Variants in KCNIP4 observed in about 807,000 individuals in gnomAD.
KCNIP4 encodes the protein Kv channel-interacting protein 4.
Under a neutral mutation model 34.0 loss-of-function variants are expected in KCNIP4, and 12 were observed. The observed-to-expected ratio is 0.35, with a 90% CI of 0.23 to 0.57. KCNIP4 has a LOEUF of 0.57. KCNIP4 is among the 20% of genes least tolerant of loss of function. The probability of loss-of-function intolerance (pLI) is 0.83; values close to 1 mark genes in which losing one functional copy is unlikely to be tolerated. For synonymous variants in KCNIP4, 124 were observed against 102.2 expected (o/e 1.21, Z -1.29); for missense variants, 238 against 311.7 (o/e 0.76, Z 1.78).
At chr4:21,221,135 G>A (rs1757952916) in intron 1 of KCNIP4, among the ~76,000 whole-genome samples, 1 of 152,090 alleles carries the variant, frequency 6.6e-6, no homozygotes, top group Non-Finnish European at 1.5e-5. Flanking sequence ...CCCAGTCATG[G>A]ATTACAGCTC....
chr4:21,149,078 A>C (rs1020092953), intron 1 of KCNIP4, among the ~76,000 whole-genome samples: 2 of 152,182 alleles, frequency 1.3e-5, no homozygotes, highest in African/African-American at 4.8e-5. Flanking sequence ...TGGTCCCTAA[A>C]TTTGAAATGT....
At chr4:20,935,318 C>T (rs1046743441) in intron 1 of KCNIP4, among the ~76,000 whole-genome samples, 4 of 152,118 alleles carry the variant, frequency 2.6e-5, no homozygotes, top group Non-Finnish European at 4.4e-5. Flanking sequence ...GCATTTCAAA[C>T]TCAACATGTC....
chr4:20,859,125 C>T (rs1428671254), intron 2 of KCNIP4, among the ~76,000 whole-genome samples: 2 of 152,162 alleles, frequency 1.3e-5, no homozygotes, highest in African/African-American at 4.8e-5. Context: ...TTCAGGAGAT[C>T]ACCAGACCAG....
chr4:21,709,797 T>G (rs537049463), intron 1 of KCNIP4, among the ~76,000 whole-genome samples: 1 of 152,358 alleles, frequency 6.6e-6, no homozygotes, highest in South Asian at 2.1e-4. Context: ...ATGTCTTGTC[T>G]ACACCAGGTT....
At chr4:21,898,284 A>G (rs552641560) in intron 1 of KCNIP4, among the ~76,000 whole-genome samples, 3 of 152,228 alleles carry the variant, frequency 2.0e-5, no homozygotes, top group Admixed American at 2.0e-4. Flanking sequence ...GATGCACATG[A>G]CCTAGCAAGA....
chr4:20,731,462 A>G lies in KCNIP4; in HGVS notation c.705+544T>C, dbSNP rs146831140. 9.7e-4 allele frequency: 951 copies of G among 985,264 alleles called. 11 individuals are homozygous for G. The African/African-American group carries it at 0.016, about 16-fold the overall frequency. 61.0% of individuals were successfully genotyped at this position (985,264 alleles called of 1,614,324 possible). A position where few individuals can be genotyped will look rare whatever the true frequency, so the allele number is the denominator to read the frequency against. On this transcript the variant is annotated intron_variant, in intron 8 of 8. Coordinates refer to ENST00000382152, the MANE Select transcript of KCNIP4 (RefSeq NM_025221.6). Reference sequence around the variant, plus strand: ...CTGGTTTCTTTGATAACAGGCTACTACCTGGAGTTCTCTTCAGAGAAAATT... The same window carrying G: ...CTGGTTTCTTTGATAACAGGCTACTGCCTGGAGTTCTCTTCAGAGAAAATT...
At chr4:21,394,178 CA>C (rs1722781182) in intron 1 of KCNIP4, among the ~76,000 whole-genome samples, 1 of 152,164 alleles carries the variant, frequency 6.6e-6, no homozygotes, top group East Asian at 1.9e-4. Context: ...TCCATAATAA[CA>C]ATTTCAGTAC....
chr4:20,753,290 A>G (rs1184256636), intron 4 of KCNIP4, among the ~76,000 whole-genome samples: 4 of 152,150 alleles, frequency 2.6e-5, no homozygotes, highest in Non-Finnish European at 5.9e-5. Flanking sequence ...GAAATCGAGG[A>G]TACTAGAGTA....
At chr4:20,773,813 G>A (rs1414711066) in intron 3 of KCNIP4, among the ~76,000 whole-genome samples, 2 of 152,088 alleles carry the variant, frequency 1.3e-5, no homozygotes, top group Non-Finnish European at 2.9e-5. Flanking sequence ...CTCCATTTTG[G>A]ATATTACATT....
chr4:21,870,557 C>T (rs1259197085), intron 1 of KCNIP4, among the ~76,000 whole-genome samples: 1 of 152,172 alleles, frequency 6.6e-6, no homozygotes, highest in Non-Finnish European at 1.5e-5. Flanking sequence ...CATACTTGAC[C>T]TCATCAGTAT....
At chr4:20,851,675 C>G (rs757358989) in intron 2 of KCNIP4, among the ~76,000 whole-genome samples, 8 of 152,140 alleles carry the variant, frequency 5.3e-5, no homozygotes, top group Non-Finnish European at 8.8e-5. Context: ...CCCTTTTTCT[C>G]TACAACCTCA....
At chr4:21,314,972 A>T (rs1713574217) in intron 1 of KCNIP4, among the ~76,000 whole-genome samples, 1 of 152,148 alleles carries the variant, frequency 6.6e-6, no homozygotes, top group South Asian at 2.1e-4. Flanking sequence ...TTTCCACTAC[A>T]GTTATGGCTG....
chr4:20,732,181 C>T (rs555565194), intron 7 of KCNIP4, 113 bp from the exon 8 acceptor site: 127 of 711,150 alleles, frequency 1.8e-4, no homozygotes, highest in Non-Finnish European at 2.1e-4. Flanking sequence ...ATTTATTTCA[C>T]GTGGAGGAAC....
At chr4:21,049,769 T>TAC (rs945438705) in intron 1 of KCNIP4, among the ~76,000 whole-genome samples, 1 of 152,246 alleles carries the variant, frequency 6.6e-6, no homozygotes, top group African/African-American at 2.4e-5. Context: ...CTAGTCATTC[T>TAC]ACACTCTTTA....
chr4:21,055,827 G>A (rs773021003), intron 1 of KCNIP4, among the ~76,000 whole-genome samples: 1 of 152,150 alleles, frequency 6.6e-6, no homozygotes, highest in Admixed American at 6.6e-5. Flanking sequence ...TATTAACGAA[G>A]TAAAAAATAC....
chr4:20,885,376 A>G (rs186793768), intron 1 of KCNIP4, among the ~76,000 whole-genome samples: 7 of 152,334 alleles, frequency 4.6e-5, no homozygotes, highest in Non-Finnish European at 8.8e-5. Flanking sequence ...AGGTTTTTGC[A>G]TTTCTGACAA....
intron 1 of KCNIP4, among the ~76,000 whole-genome samples, chr4:21,683,884 G>A (rs1234765213): frequency 6.6e-6 from 1 of 151,986 alleles, no homozygotes; most frequent in Non-Finnish European, 1.5e-5. Context: ...CCAGTTACTC[G>A]AGACTGTACG....
At chr4:21,794,009 T>C (rs1009135697) in intron 1 of KCNIP4, among the ~76,000 whole-genome samples, 9 of 152,052 alleles carry the variant, frequency 5.9e-5, no homozygotes, top group Admixed American at 5.9e-4. Context: ...CTGGAAACCA[T>C]CATTCTCACA....
intron 1 of KCNIP4, among the ~76,000 whole-genome samples, chr4:20,929,894 T>C (rs943846380): frequency 6.6e-6 from 1 of 152,012 alleles, no homozygotes; most frequent in Non-Finnish European, 1.5e-5. Context: ...TAGAATAATA[T>C]TCTGTGTTCA....
Sources: gnomAD v4.1 joint callset for allele counts (sites outside exome capture counted in the v4.1 genomes callset) on GRCh38, gnomAD v4.1.1 for gene constraint, MANE v1.5 for transcripts, NCBI Gene and HGNC (gene_info 2026-07-23, HGNC 2026-07-21) for gene names.